TMCC1: variants seen among roughly 807,000 people sequenced by gnomAD.
The protein encoded by TMCC1 is transmembrane and coiled-coil domains protein 1.
TMCC1 carries 15 observed loss-of-function variants against 52.4 expected under a neutral mutation model. The observed-to-expected ratio is 0.29, with a 90% confidence interval of 0.19 to 0.44. The LOEUF is 0.44. Ranked by LOEUF, TMCC1 falls within the 20% of genes least tolerant of loss-of-function variation. TMCC1 has a pLI of 1.00. For missense variants in TMCC1, 503 were observed against 806.0 expected (o/e 0.62, Z 4.55); for synonymous variants, 279 against 301.9 (o/e 0.92, Z 0.79).
chr3:129,705,138 A>G (rs1339458087), intron 4 of TMCC1, among the ~76,000 whole-genome samples: 1 of 152,230 alleles, frequency 6.6e-6, no homozygotes. Context: ...TGCAAATGGC[A>G]TCAGGGTACT....
intron 4 of TMCC1, among the ~76,000 whole-genome samples, chr3:129,823,059 C>CT (rs2058493168): frequency 6.6e-6 from 1 of 152,198 alleles, no homozygotes; most frequent in South Asian, 2.1e-4. Flanking sequence ...AGCGCAGTGG[C>CT]TCAGGCCTGT....
chr3:129,710,110 C>T (rs79210163), intron 4 of TMCC1, among the ~76,000 whole-genome samples: 12,401 of 152,100 alleles, frequency 0.082, 670 homozygotes, highest in East Asian at 0.17. Context: ...CTCTTGAACC[C>T]GGGAGGTGGA....
chr3:129,814,179 CCAGA>C lies in TMCC1; in HGVS notation c.576+13620_576+13623del, dbSNP rs1480051768. Among the ~76,000 whole-genome samples the C allele has an allele frequency of 2.6e-5, 4 of 152,126 alleles. No individual in the cohort carries two copies. In the East Asian group the frequency reaches 7.7e-4, roughly 29 times the overall value. The stretch of plus-strand genomic sequence containing the variant: ...CTGAGCGTAAGGTTTAGATAAGATG[CCAGA>C]CAATTTCCCAGTGTACTCCTGAACC... On this transcript the variant is annotated intron_variant, in intron 4 of 6. Coordinates refer to ENST00000393238, the MANE Select transcript of TMCC1 (RefSeq NM_001017395.5).
chr3:129,755,482 AT>A (rs1403600285), intron 4 of TMCC1, among the ~76,000 whole-genome samples: 2 of 152,222 alleles, frequency 1.3e-5, no homozygotes, highest in Admixed American at 1.3e-4. Context: ...GTGGGAGAAA[AT>A]ATTTGCAAAT....
Position 129,756,267 on chromosome 3 carries a change from CACTAAAT to C in TMCC1, c.576+71529_576+71535del, listed in dbSNP as rs200886640. On this transcript the variant is annotated intron_variant, in intron 4 of 6. Transcript: ENST00000393238. Reference sequence around the variant, plus strand: ...TGTTTATAGTAGCTTTCTTCATCATCACTAAATACTGGAAGCAATCAAGATATCCTTG... The same window carrying C: ...TGTTTATAGTAGCTTTCTTCATCATCACTGGAAGCAATCAAGATATCCTTG... Among the ~76,000 whole-genome samples, 1,149 of 152,244 alleles carry C rather than the reference CACTAAAT, an allele frequency of 7.5e-3. 13 individuals are homozygous for C. The highest frequency in any genetic ancestry group is 0.026 in the African/African-American group (1,089 of 41,548).
At chr3:129,885,143 T>C (rs1007625332) in intron 1 of TMCC1, among the ~76,000 whole-genome samples, 1 of 150,886 alleles carries the variant, frequency 6.6e-6, no homozygotes, top group Non-Finnish European at 1.5e-5. Context: ...TGTTTCTACA[T>C]AAATAAGTAA....
intron 4 of TMCC1, among the ~76,000 whole-genome samples, chr3:129,677,372 A>T (rs1184900839): frequency 6.6e-6 from 1 of 152,210 alleles, no homozygotes; most frequent in African/African-American, 2.4e-5. Context: ...AATGTTAAAA[A>T]TTTTCTATTT....
At chr3:129,670,194 T>A in intron 5 of TMCC1, 136 bp downstream of exon 5, 1 of 842,924 alleles carries the variant, frequency 1.2e-6, no homozygotes, top group Non-Finnish European at 1.8e-6. Context: ...GGAACTCATG[T>A]GGATGTCTTA....
chr3:129,688,603 T>C (rs980508642), intron 4 of TMCC1: 1 of 985,488 alleles, frequency 1.0e-6, no homozygotes, highest in Non-Finnish European at 1.2e-6. Flanking sequence ...CTATCTCCTG[T>C]AGCAACTCTT....
At chr3:129,699,336 C>A (rs1368488329) in intron 4 of TMCC1, among the ~76,000 whole-genome samples, 14 of 152,280 alleles carry the variant, frequency 9.2e-5, no homozygotes, top group African/African-American at 3.1e-4. Flanking sequence ...AATGCATTAG[C>A]ATGCTAACAG....
At chr3:129,839,082 G>A (rs924497436) in intron 2 of TMCC1, among the ~76,000 whole-genome samples, 1 of 152,088 alleles carries the variant, frequency 6.6e-6, no homozygotes, top group African/African-American at 2.4e-5. Flanking sequence ...ATTAACAGAA[G>A]TCCTTCAGGT....
At chr3:129,711,585 C>T (rs1328609457) in intron 4 of TMCC1, among the ~76,000 whole-genome samples, 6 of 152,186 alleles carry the variant, frequency 3.9e-5, no homozygotes, top group Middle Eastern at 6.8e-3. Context: ...TGGCTCACGC[C>T]TGTAATCCCA....
At chr3:129,652,622 G>A (rs1361904436) in intron 6 of TMCC1, among the ~76,000 whole-genome samples, 1 of 152,168 alleles carries the variant, frequency 6.6e-6, no homozygotes, top group African/African-American at 2.4e-5. Context: ...AAATTAACTG[G>A]TGTTAATGTG....
chr3:129,672,419 G>A (rs999027527), intron 4 of TMCC1, among the ~76,000 whole-genome samples: 3 of 152,046 alleles, frequency 2.0e-5, no homozygotes, highest in African/African-American at 7.2e-5. Flanking sequence ...GCAACATAGT[G>A]AGACCCCCTC....
intron 4 of TMCC1, among the ~76,000 whole-genome samples, chr3:129,752,349 T>C (rs2052603068): frequency 6.6e-6 from 1 of 152,112 alleles, no homozygotes; most frequent in African/African-American, 2.4e-5. Flanking sequence ...TGCAGGGGAT[T>C]TTAAAAAAAC....
At chr3:129,691,707 C>T (rs1297034009) in intron 4 of TMCC1, among the ~76,000 whole-genome samples, 1 of 152,078 alleles carries the variant, frequency 6.6e-6, no homozygotes, top group Non-Finnish European at 1.5e-5. Flanking sequence ...TCATTTGAGC[C>T]TAGGAGTTTG....
intron 2 of TMCC1, among the ~76,000 whole-genome samples, chr3:129,852,269 CT>C (rs1448565339): frequency 2.0e-5 from 3 of 151,944 alleles, no homozygotes; most frequent in Non-Finnish European, 2.9e-5. Context: ...CCAGCCTGGC[CT>C]AAATGGTGAG....
intron 1 of TMCC1, among the ~76,000 whole-genome samples, chr3:129,884,598 T>C (rs1416331337): frequency 6.6e-6 from 1 of 152,226 alleles, no homozygotes; most frequent in Non-Finnish European, 1.5e-5. Context: ...CAATATTATT[T>C]CTTCTTTATA....
intron 4 of TMCC1, among the ~76,000 whole-genome samples, chr3:129,823,775 T>C (rs1021745613): frequency 1.3e-5 from 2 of 152,336 alleles, no homozygotes; most frequent in African/African-American, 4.8e-5. Flanking sequence ...CAAAGAGTAG[T>C]GGACTTTGGA....
Sources: allele counts gnomAD v4.1 joint callset (sites outside exome capture counted in the v4.1 genomes callset), GRCh38; gene constraint gnomAD v4.1.1; transcripts MANE v1.5; gene names NCBI Gene and HGNC (gene_info 2026-07-23, HGNC 2026-07-21).